Variants in BCKDHA observed in about 807,000 individuals in gnomAD.
BCKDHA encodes the protein 2-oxoisovalerate dehydrogenase subunit alpha, mitochondrial.
BCKDHA carries 43 observed loss-of-function variants against 52.2 expected under a neutral mutation model. The ratio of observed to expected loss-of-function variants is 0.82; its 90% CI spans 0.64 to 1.06. The LOEUF is 1.06. Among genes scored for constraint, BCKDHA ranks in the 50% least tolerant of loss-of-function variants. The pLI is 0.00. For synonymous variants in BCKDHA, 234 were observed against 247.9 expected, an observed-to-expected ratio of 0.94 and a Z score of 0.53; for missense variants, 527 against 621.3, an observed-to-expected ratio of 0.85 and a Z score of 1.61.
Position 41,414,063 on chromosome 19 carries a change from C to G in BCKDHA, c.390C>G (p.Phe130Leu). The G allele has an allele frequency of 6.2e-7, 1 of 1,613,794 alleles. No individual in the cohort carries two copies. The highest frequency in any genetic ancestry group is 1.1e-5 in the South Asian group (1 of 91,086). ...YESQRQGRIS[F>L]YMTNYGEEGT... ...TACACCCCCAGGGCCGGATCTCCTT[C>G]TACATGACCAACTATGGTGAGGAGG... The change falls in exon 4 of 9, where the codon TTC becomes TTG. Residue 130 changes from phenylalanine (F) to leucine (L), a missense_variant. Physicochemically the swap from Phe to Leu is conservative, Grantham distance 22. Transcript: ENST00000269980.
chr19:41,423,273 A>T (rs576852438), intron 8 of BCKDHA, 104 bp downstream of exon 8: 3 of 1,513,212 alleles, frequency 2.0e-6, no homozygotes, highest in Non-Finnish European at 8.9e-7. Flanking sequence ...GGATAACCCC[A>T]GTGATGTCTC....
rs546959301 is a variant in BCKDHA at position 41,424,971 on chromosome 19, G to A, written c.*363G>A. 41 of 219,582 alleles carry A rather than the reference G, an allele frequency of 1.9e-4. No individual in the cohort carries two copies. The highest frequency in any genetic ancestry group is 1.7e-3 in the Admixed American group (33 of 19,000). 13.6% of individuals were successfully genotyped at this position (219,582 alleles called of 1,614,324 possible). On this transcript the variant is annotated 3_prime_UTR_variant, in exon 9 of 9. Coordinates refer to ENST00000269980, the MANE Select transcript of BCKDHA (RefSeq NM_000709.4). ...GGTGCGAGTGGCCAGCAGAGGTCAC[G>A]AATAAACTGCATCTCTGCGCCTGGC...
chr19:41,420,919 C>T (rs777372937), intron 5 of BCKDHA, among the ~76,000 whole-genome samples: 2 of 152,234 alleles, frequency 1.3e-5, no homozygotes, highest in African/African-American at 2.4e-5. Context: ...TAGGGTTGGT[C>T]TGGGCCCTGG....
At chr19:41,424,368 G>A in intron 8 of BCKDHA, 70 bp from the exon 9 acceptor site, 1 of 1,574,466 alleles carries the variant, frequency 6.4e-7, no homozygotes, top group Non-Finnish European at 8.7e-7. Context: ...CCTTGCCAAG[G>A]CCCCGCAGGA....
chr19:41,410,859 G>A lies in BCKDHA; in HGVS notation c.288+43G>A, dbSNP rs751571713. ...CCACTTCCCGTGCCCCCCACGCCCA[G>A]GCCCCTTGCCTGTCTCCTCTCTGGT... On this transcript the variant is annotated intron_variant, in intron 2 of 8. Transcript: ENST00000269980. The A allele has an allele frequency of 8.1e-6, 13 of 1,613,550 alleles. 1 individual carries two copies. The South Asian group carries it at 1.3e-4, about 16-fold the overall frequency.
Position 41,419,291 on chromosome 19 carries a change from C to T in BCKDHA, c.641C>T (p.Pro214Leu). The T allele has an allele frequency of 3.7e-6, 6 of 1,612,964 alleles. No homozygotes were observed. Among genetic ancestry groups the T allele is most frequent in the Non-Finnish European group, 5.1e-6 (6 of 1,179,470 alleles). ...TCCTCTCCACTGGCCACGCAGATCC[C>T]TCAGGGTGAGGATGCATGCCCTGTA... ...TISSPLATQI[P>L]QAVGAAYAAK... Residue 214 changes from proline to leucine, a missense_variant, in exon 5 of 9, where the codon CCT becomes CTT. Transcript: ENST00000269980.
intron 5 of BCKDHA, among the ~76,000 whole-genome samples, chr19:41,421,260 C>T (rs188708738): frequency 3.3e-5 from 5 of 152,302 alleles, no homozygotes; most frequent in East Asian, 1.9e-4. Context: ...GGAACAAAAG[C>T]AACGCAAACC....
chr19:41,408,753 G>C (rs142999382), intron 1 of BCKDHA, among the ~76,000 whole-genome samples: 1,562 of 152,128 alleles, frequency 0.01, 39 homozygotes, highest in African/African-American at 0.036. Flanking sequence ...AAGTAGCTGG[G>C]ACTATAGGTG....
At chr19:41,416,992 G>A (rs1239932942) in intron 4 of BCKDHA, among the ~76,000 whole-genome samples, 2 of 152,086 alleles carry the variant, frequency 1.3e-5, no homozygotes, top group African/African-American at 2.4e-5. Context: ...GTTTCCTGGT[G>A]CAAATCAGCC....
At chr19:41,406,214 G>A (rs1305729601) in intron 1 of BCKDHA, among the ~76,000 whole-genome samples, 2 of 152,162 alleles carry the variant, frequency 1.3e-5, no homozygotes, top group African/African-American at 2.4e-5. Flanking sequence ...CTGGGGTGCC[G>A]TGAAGATAGC....
At chr19:41,403,559 T>C (rs952837480) in intron 1 of BCKDHA, among the ~76,000 whole-genome samples, 5 of 152,248 alleles carry the variant, frequency 3.3e-5, no homozygotes, top group Admixed American at 1.3e-4. Context: ...TTCTCTTGCC[T>C]TGGAGCCTTG....
At chr19:41,407,945 A>G (rs1385234835) in intron 1 of BCKDHA, among the ~76,000 whole-genome samples, 5 of 127,972 alleles carry the variant, frequency 3.9e-5, no homozygotes, top group African/African-American at 1.6e-4. Context: ...CCCAGTTCTG[A>G]TGTAATTTTT....
At chr19:41,418,166 C>T (rs1168765695) in intron 4 of BCKDHA, among the ~76,000 whole-genome samples, 4 of 148,760 alleles carry the variant, frequency 2.7e-5, no homozygotes, top group African/African-American at 7.4e-5. Flanking sequence ...ATCTAAAGAG[C>T]GGGTTCTGCG....
chr19:41,418,185 A>G (rs988602180), intron 4 of BCKDHA, among the ~76,000 whole-genome samples: 2 of 151,978 alleles, frequency 1.3e-5, no homozygotes, highest in African/African-American at 4.8e-5. Context: ...CGGTAAAGAA[A>G]GGATTTGGAA....
At position 41,422,338 on chromosome 19, in the gene BCKDHA, C is replaced by T; in HGVS notation, c.821C>T (p.Pro274Leu). Residue 274 changes from proline (P) to leucine (L), a missense_variant, in exon 6 of 9, where the codon CCC becomes CTC. Coordinates refer to ENST00000269980, the MANE Select transcript of BCKDHA (RefSeq NM_000709.4). ...CRNNGYAISTPTSEQYRGDGI... is the reference protein window; with the variant it reads ...CRNNGYAISTLTSEQYRGDGI... The stretch of plus-strand genomic sequence containing the variant: ...AACAATGGCTACGCCATCTCCACGC[C>T]CACCTCTGAGCAGTATCGCGGCGAT... 1 of 1,614,232 alleles carries T rather than the reference C, an allele frequency of 6.2e-7. No individual in the cohort carries two copies. The highest frequency in any genetic ancestry group is 8.5e-7 in the Non-Finnish European group (1 of 1,180,038).
At chr19:41,420,283 C>G (rs2039350338) in intron 5 of BCKDHA, among the ~76,000 whole-genome samples, 1 of 152,180 alleles carries the variant, frequency 6.6e-6, no homozygotes. Flanking sequence ...TAAGGACCCT[C>G]ATTGTGGCCA....
chr19:41,424,637 T>G lies in BCKDHA; in HGVS notation c.*29T>G. The G allele has an allele frequency of 6.6e-7, 1 of 1,519,112 alleles. No homozygotes were observed. Among genetic ancestry groups the G allele is most frequent in the Non-Finnish European group, 9.0e-7 (1 of 1,115,414 alleles). 94.1% of individuals were successfully genotyped at this position (1,519,112 alleles called of 1,614,324 possible). A position where few individuals can be genotyped will look rare whatever the true frequency, so the allele number is the denominator to read the frequency against. On this transcript the variant is annotated 3_prime_UTR_variant, in exon 9 of 9. Transcript: ENST00000269980. ...CTGCTCAGCCCACCCCCACCCATCC[T>G]CAGCTACCCCGAGAGGTAGCCCCAC...
rs1414619146 is a variant in BCKDHA at position 41,414,038 on chromosome 19, T to G, written c.376-11T>G. On this transcript the variant is annotated splice_polypyrimidine_tract_variant and intron_variant, in intron 3 of 8. Coordinates refer to ENST00000269980, the MANE Select transcript of BCKDHA (RefSeq NM_000709.4). ...CCAATTGTGGGACCCCGGTCCCCTC[T>G]ACACCCCCAGGGCCGGATCTCCTTC... The G allele has an allele frequency of 1.2e-6, 2 of 1,612,214 alleles. No homozygotes were observed. Among genetic ancestry groups the G allele is most frequent in the Non-Finnish European group, 1.7e-6 (2 of 1,178,854 alleles).
intron 1 of BCKDHA, among the ~76,000 whole-genome samples, chr19:41,398,783 A>G (rs995015781): frequency 6.6e-6 from 1 of 152,218 alleles, no homozygotes; most frequent in African/African-American, 2.4e-5. Flanking sequence ...AGTAGTGGTT[A>G]CATGGGTGGA....
Sources: gnomAD v4.1 joint callset for allele counts (sites outside exome capture counted in the v4.1 genomes callset) on GRCh38, gnomAD v4.1.1 for gene constraint, MANE v1.5 for transcripts, NCBI Gene and HGNC (gene_info 2026-07-23, HGNC 2026-07-21) for gene names.